The following BTBD10 variants were observed in gnomAD, a reference collection of about 807,000 sequenced individuals.
The protein encoded by BTBD10 is BTB/POZ domain-containing protein 10.
Under a neutral mutation model 53.2 loss-of-function variants are expected in BTBD10, and 21 were observed. The observed-to-expected ratio is 0.39, with a 90% CI of 0.28 to 0.57. The LOEUF is 0.57. Ranked by LOEUF, BTBD10 falls within the 20% of genes least tolerant of loss-of-function variation. The pLI is 0.53. For synonymous variants in BTBD10, 149 were observed against 192.7 expected (o/e 0.77, Z 1.88); for missense variants, 360 against 594.7 (o/e 0.61, Z 4.10).
chr11:13,429,960 G>A (rs1950416561), intron 2 of BTBD10, among the ~76,000 whole-genome samples: 1 of 151,996 alleles, frequency 6.6e-6, no homozygotes, highest in Admixed American at 6.6e-5. Flanking sequence ...TTAAAAATTA[G>A]CCAGGAGTGG....
chr11:13,411,486 T>C (rs7105576), intron 6 of BTBD10, among the ~76,000 whole-genome samples: 2,219 of 152,264 alleles, frequency 0.015, 50 homozygotes, highest in African/African-American at 0.05. Context: ...TTTGAGAATC[T>C]CTAAATTTTT....
At chr11:13,416,452 C>G (rs550875106) in intron 5 of BTBD10, among the ~76,000 whole-genome samples, 3 of 151,960 alleles carry the variant, frequency 2.0e-5, no homozygotes, top group Non-Finnish European at 4.4e-5. Context: ...TCTAAGTTTC[C>G]ACACTGCTAG....
In BTBD10 at chr11:13,406,344, A is replaced by C. The variant is rs1484695254; in HGVS notation, c.809-488T>G. Among the ~76,000 whole-genome samples, 3 of 152,198 alleles carry C rather than the reference A, an allele frequency of 2.0e-5. No individual in the cohort carries two copies. The East Asian group carries it at 5.8e-4, about 29-fold the overall frequency. Reference sequence around the variant, plus strand: ...TGATACTAGAAGTGAGAGAGCTGAAAGAGACTTCAACCTCCTTAAGCACAG... The same window carrying C: ...TGATACTAGAAGTGAGAGAGCTGAACGAGACTTCAACCTCCTTAAGCACAG... On this transcript the variant is annotated intron_variant, in intron 6 of 8. Transcript: ENST00000278174.
intron 6 of BTBD10, among the ~76,000 whole-genome samples, chr11:13,408,594 G>A (rs775639520): frequency 5.3e-5 from 8 of 151,988 alleles, no homozygotes; most frequent in Non-Finnish European, 1.2e-4. Flanking sequence ...CAAACTTAAC[G>A]TGTTCAAAAT....
chr11:13,445,258 T>C (rs1950732057), intron 1 of BTBD10, 77 bp from the exon 2 acceptor site: 2 of 508,438 alleles, frequency 3.9e-6, no homozygotes, highest in Admixed American at 7.1e-5. Context: ...ACAGACTTGA[T>C]ATTATTGTGA....
At chr11:13,445,450 C>T (rs1227667524) in intron 1 of BTBD10, among the ~76,000 whole-genome samples, 10 of 152,082 alleles carry the variant, frequency 6.6e-5, no homozygotes, top group Admixed American at 5.9e-4. Context: ...ACTTAAACAA[C>T]TACTGTATAG....
intron 2 of BTBD10, among the ~76,000 whole-genome samples, chr11:13,434,244 C>T (rs949760995): frequency 6.6e-6 from 1 of 152,044 alleles, no homozygotes; most frequent in African/African-American, 2.4e-5. Context: ...CAAATTTCAA[C>T]TGAAGTCACA....
At chr11:13,392,025 T>C (rs564855233) in intron 8 of BTBD10, among the ~76,000 whole-genome samples, 11 of 152,304 alleles carry the variant, frequency 7.2e-5, no homozygotes, top group Admixed American at 7.2e-4. Context: ...TTTACCAACC[T>C]ATTCAGTCAA....
rs1049221576 is a variant in BTBD10 at position 13,388,717 on chromosome 11, T to C, written c.*114A>G. ...TAAAAAAGCCTACACTGCAATATCC[T>C]AAACATTGTTATGTGCATCTCACAA... On this transcript the variant is annotated 3_prime_UTR_variant, in exon 9 of 9. Coordinates refer to ENST00000278174, the MANE Select transcript of BTBD10 (RefSeq NM_032320.7). The C allele has an allele frequency of 1.6e-6, 2 of 1,216,296 alleles. No homozygotes were observed. The highest frequency in any genetic ancestry group is 1.5e-5 in the African/African-American group (1 of 66,216). The allele number at this position is 1,216,296 out of a possible 1,614,324, so 75.3% of individuals were successfully genotyped here.
chr11:13,458,681 T>C (rs1007492162), intron 1 of BTBD10, among the ~76,000 whole-genome samples: 1 of 152,214 alleles, frequency 6.6e-6, no homozygotes, highest in Non-Finnish European at 1.5e-5. Context: ...CACCAGTCTC[T>C]CTAATAATTA....
intron 8 of BTBD10, among the ~76,000 whole-genome samples, chr11:13,390,795 C>T (rs1949388329): frequency 6.6e-6 from 1 of 152,162 alleles, no homozygotes; most frequent in African/African-American, 2.4e-5. Context: ...TGCATGTAGG[C>T]ATCATTGGTA....
chr11:13,402,332 G>C (rs1383697957), intron 8 of BTBD10, among the ~76,000 whole-genome samples: 1 of 152,100 alleles, frequency 6.6e-6, no homozygotes, highest in African/African-American at 2.4e-5. Context: ...AACTTACTAT[G>C]TACTAGGCAG....
intron 1 of BTBD10, among the ~76,000 whole-genome samples, chr11:13,447,630 G>T (rs1950774420): frequency 6.6e-6 from 1 of 152,134 alleles, no homozygotes; most frequent in Non-Finnish European, 1.5e-5. Context: ...AAATTCCCAT[G>T]TGTTTTCCTA....
At chr11:13,427,788 A>G (rs1950370384) in intron 2 of BTBD10, among the ~76,000 whole-genome samples, 1 of 152,200 alleles carries the variant, frequency 6.6e-6, no homozygotes. Context: ...CTCTGATTAC[A>G]ATGGAATTAA....
chr11:13,390,352 C>CT lies in BTBD10; in HGVS notation c.1118-1212dup, dbSNP rs745356409. On this transcript the variant is annotated intron_variant, in intron 8 of 8. Transcript: ENST00000278174. ...AATGAATGAGCACGTGTATGTTTTT[C>CT]TTTTTTTTTTTTGGAGATAGAGTCT... 9.3e-3 allele frequency among the ~76,000 whole-genome samples: 1,339 copies of CT among 144,516 alleles called. 4 individuals carry two copies. The highest frequency in any genetic ancestry group is 0.018 in the African/African-American group (708 of 39,572). The allele number at this position is 144,516 out of a possible 152,430, so 94.8% of individuals were successfully genotyped here.
chr11:13,403,034 C>T, intron 8 of BTBD10, 134 bp downstream of exon 8: 3 of 558,414 alleles, frequency 5.4e-6, no homozygotes, highest in Non-Finnish European at 9.3e-6. Flanking sequence ...TATAGGTCTA[C>T]TGCATAAGCA....
chr11:13,432,963 G>A (rs1440332423), intron 2 of BTBD10, among the ~76,000 whole-genome samples: 1 of 151,936 alleles, frequency 6.6e-6, no homozygotes, highest in Non-Finnish European at 1.5e-5. Flanking sequence ...GATATAAGTA[G>A]CACTCATATC....
rs146661453 is a variant in BTBD10 at position 13,421,827 on chromosome 11, C to T, written c.113G>A (p.Arg38His). Reference protein sequence around the residue: ...KLYKHSSTSSRIAKGGVDHTK... With the variant: ...KLYKHSSTSSHIAKGGVDHTK... ...GTGGTCAACTCCTCCTTTAGCAATA[C>T]GCGAGGAAGTACTGATAAGTTAGAA... Residue 38 changes from arginine (R) to histidine (H), a missense_variant, in exon 3 of 9, where the codon CGT (arginine) becomes CAT (histidine). Physicochemically the swap from Arg to His is conservative, Grantham distance 29 (BLOSUM62 0). This residue lies in a region of BTBD10 where 81 missense variants were observed against 82.6 expected (regional missense o/e 0.98). Coordinates refer to ENST00000278174, the MANE Select transcript of BTBD10 (RefSeq NM_032320.7). The T allele has an allele frequency of 1.9e-4, 300 of 1,609,798 alleles. No individual in the cohort carries two copies. The highest frequency in any genetic ancestry group is 2.5e-4 in the Non-Finnish European group (293 of 1,177,658).
At chr11:13,389,829 T>C (rs1475180036) in intron 8 of BTBD10, among the ~76,000 whole-genome samples, 2 of 152,242 alleles carry the variant, frequency 1.3e-5, no homozygotes, top group African/African-American at 2.4e-5. Context: ...CTCGTCTTTA[T>C]ATTGCTCTGA....
Sources: allele counts gnomAD v4.1 joint callset (sites outside exome capture counted in the v4.1 genomes callset), GRCh38; gene constraint gnomAD v4.1.1; regional missense constraint gnomAD v4.1.1; transcripts MANE v1.5; gene names NCBI Gene and HGNC (gene_info 2026-07-23, HGNC 2026-07-21).